Variants in PTPRN2 observed in about 807,000 individuals in gnomAD.
The protein encoded by PTPRN2 is protein tyrosine phosphatase receptor type N2, also known as receptor-type tyrosine-protein phosphatase N2.
In PTPRN2, 74 loss-of-function variants were observed where a neutral mutation model predicts 118.8. The ratio of observed to expected loss-of-function variants is 0.62; its 90% CI spans 0.52 to 0.76. The LOEUF (loss-of-function observed/expected upper bound fraction) is 0.76, where lower values mean the gene tolerates loss of function less well. PTPRN2 is among the 30% of genes least tolerant of loss of function. PTPRN2 has a pLI of 0.00. For missense variants in PTPRN2, 1,481 were observed against 1,394.4 expected (o/e 1.06, Z -0.99); for synonymous variants, 641 against 608.0 (o/e 1.05, Z -0.80).
intron 1 of PTPRN2, among the ~76,000 whole-genome samples, chr7:158,542,461 T>C (rs979848830): frequency 6.6e-6 from 1 of 152,234 alleles, no homozygotes; most frequent in Non-Finnish European, 1.5e-5. Flanking sequence ...CCTTTTTAAA[T>C]TGATTTCCTA....
intron 11 of PTPRN2, among the ~76,000 whole-genome samples, chr7:157,936,580 T>C (rs1335216572): frequency 7.0e-6 from 1 of 143,852 alleles, no homozygotes; most frequent in African/African-American, 2.5e-5. Context: ...GGGTCTACAG[T>C]GCAGGTCGGA....
At chr7:157,758,868 G>A (rs982171235) in intron 12 of PTPRN2, among the ~76,000 whole-genome samples, 3 of 152,194 alleles carry the variant, frequency 2.0e-5, no homozygotes, top group African/African-American at 7.2e-5. Flanking sequence ...TGCCTGCGTG[G>A]CTGCTCTGTG....
At chr7:158,406,459 G>GCA (rs1446250549) in intron 2 of PTPRN2, among the ~76,000 whole-genome samples, 1 of 151,242 alleles carries the variant, frequency 6.6e-6, no homozygotes, top group African/African-American at 2.4e-5. Flanking sequence ...CTGAGATCCC[G>GCA]GTGGCTCATC....
chr7:158,189,796 A>C (rs1406023535), intron 5 of PTPRN2, among the ~76,000 whole-genome samples: 2 of 152,218 alleles, frequency 1.3e-5, no homozygotes, highest in Non-Finnish European at 2.9e-5. Context: ...GCAGCAGTGG[A>C]GGCAGAGCAC....
chr7:157,849,349 A>G (rs1055442096), intron 12 of PTPRN2, among the ~76,000 whole-genome samples: 1 of 152,026 alleles, frequency 6.6e-6, no homozygotes, highest in Admixed American at 6.5e-5. Flanking sequence ...GATTCATGTC[A>G]GACACTACGG....
chr7:158,505,617 T>G (rs999285758), intron 1 of PTPRN2, among the ~76,000 whole-genome samples: 1 of 151,742 alleles, frequency 6.6e-6, no homozygotes, highest in African/African-American at 2.4e-5. Flanking sequence ...GCCTCTGCCT[T>G]TTGGTTTAGA....
At chr7:158,409,395 TGGACCTACCCA>T (rs908197176) in intron 2 of PTPRN2, among the ~76,000 whole-genome samples, 6 of 152,050 alleles carry the variant, frequency 3.9e-5, no homozygotes, top group African/African-American at 7.2e-5. Flanking sequence ...GGCATAAGCG[TGGACCTACCCA>T]GGACCTACCC....
chr7:157,626,192 G>A lies in PTPRN2; in HGVS notation c.2197-4683C>T, dbSNP rs71538032. 9.6e-3 allele frequency among the ~76,000 whole-genome samples: 1,461 copies of A among 152,184 alleles called. 15 individuals are homozygous for A. The highest frequency in any genetic ancestry group is 0.015 in the Non-Finnish European group (1,034 of 67,982). ...CCTGGCCCGTCACTGCAGCCTTCTCGCTGATCTTCTTACCATCGCTTCCCC... is the reference window on the plus strand; with the variant it reads ...CCTGGCCCGTCACTGCAGCCTTCTCACTGATCTTCTTACCATCGCTTCCCC... On this transcript the variant is annotated intron_variant, in intron 14 of 22. Coordinates refer to ENST00000389418, the MANE Select transcript of PTPRN2 (RefSeq NM_002847.5).
chr7:158,330,861 T>TAA (rs1563150416), intron 2 of PTPRN2, among the ~76,000 whole-genome samples: 3 of 48,720 alleles, frequency 6.2e-5, no homozygotes, highest in African/African-American at 1.5e-4. Context: ...TAAGAGCTGA[T>TAA]GCCCGCAGAC....
intron 6 of PTPRN2, among the ~76,000 whole-genome samples, chr7:158,155,045 A>G (rs1821577391): frequency 6.6e-6 from 1 of 152,228 alleles, no homozygotes; most frequent in South Asian, 2.1e-4. Flanking sequence ...CATCAACTGC[A>G]CCACGTAATT....
At chr7:157,932,103 C>G (rs1274395059) in intron 11 of PTPRN2, among the ~76,000 whole-genome samples, 1 of 152,158 alleles carries the variant, frequency 6.6e-6, no homozygotes, top group Non-Finnish European at 1.5e-5. Context: ...GATATTTGTG[C>G]TTTATTATTC....
At chr7:158,375,064 C>A (rs745482574) in intron 2 of PTPRN2, among the ~76,000 whole-genome samples, 30 of 152,208 alleles carry the variant, frequency 2.0e-4, no homozygotes, top group Admixed American at 5.2e-4. Context: ...ATCCCCGAGG[C>A]TCAGCAGCAG....
At chr7:158,316,795 A>G in intron 3 of PTPRN2, 24 bp downstream of exon 3, 1 of 1,561,926 alleles carries the variant, frequency 6.4e-7, no homozygotes, top group African/African-American at 1.4e-5. Context: ...GCAGCCGCCG[A>G]GCCTCGGCCC....
At chr7:158,106,401 C>T (rs1014193362) in intron 10 of PTPRN2, among the ~76,000 whole-genome samples, 8 of 152,294 alleles carry the variant, frequency 5.3e-5, no homozygotes, top group East Asian at 1.9e-4. Context: ...CCAGCTCCAG[C>T]GCAGTTTCCT....
At chr7:157,760,093 G>A (rs112186097) in intron 12 of PTPRN2, among the ~76,000 whole-genome samples, 26 of 152,164 alleles carry the variant, frequency 1.7e-4, no homozygotes, top group African/African-American at 6.3e-4. Context: ...ACGCCATATC[G>A]GCATTCAGAA....
intron 5 of PTPRN2, among the ~76,000 whole-genome samples, chr7:158,179,583 T>C (rs1489271561): frequency 6.6e-6 from 1 of 152,236 alleles, no homozygotes; most frequent in East Asian, 1.9e-4. Context: ...GAAGATTTTT[T>C]CCTACTTAAT....
chr7:157,811,225 C>T (rs1299433139), intron 12 of PTPRN2, among the ~76,000 whole-genome samples: 7 of 149,552 alleles, frequency 4.7e-5, no homozygotes, highest in African/African-American at 1.7e-4. Flanking sequence ...GAGCGGAGAT[C>T]GCACCACTAT....
At chr7:157,899,542 C>T (rs1797319236) in intron 11 of PTPRN2, among the ~76,000 whole-genome samples, 1 of 152,224 alleles carries the variant, frequency 6.6e-6, no homozygotes, top group Non-Finnish European at 1.5e-5. Flanking sequence ...TGGAATTTCA[C>T]TGCAAACCCT....
chr7:158,330,738 C>T (rs1464608721), intron 2 of PTPRN2, among the ~76,000 whole-genome samples: 12 of 115,922 alleles, frequency 1.0e-4, no homozygotes, highest in African/African-American at 3.2e-4. Flanking sequence ...GCAGACGTCA[C>T]TCACACCCAC....
Sources: gnomAD v4.1 joint callset for allele counts (sites outside exome capture counted in the v4.1 genomes callset) on GRCh38, gnomAD v4.1.1 for gene constraint, MANE v1.5 for transcripts, NCBI Gene and HGNC (gene_info 2026-07-23, HGNC 2026-07-21) for gene names.